Variants in GPR158 observed in about 807,000 individuals in gnomAD.
The protein encoded by GPR158 is G protein-coupled receptor 158.
GPR158 carries 30 observed loss-of-function variants against 78.2 expected under a neutral mutation model. The observed-to-expected ratio is 0.38, with a 90% CI of 0.29 to 0.52. GPR158 has a LOEUF of 0.52. Among genes scored for constraint, GPR158 ranks in the 20% least tolerant of loss-of-function variants. The probability of loss-of-function intolerance (pLI) is 0.83; values close to 1 mark genes in which losing one functional copy is unlikely to be tolerated. For synonymous variants in GPR158, 581 were observed against 591.1 expected (o/e 0.98, Z 0.25); for missense variants, 1,463 against 1,523.5 (o/e 0.96, Z 0.66).
At position 25,176,047 on chromosome 10, in the gene GPR158, C is replaced by T. The variant is rs759455582; in HGVS notation, c.627C>T (p.Ser209=). 3.1e-6 allele frequency: 5 copies of T among 1,608,664 alleles called. No individual in the cohort carries two copies. Among genetic ancestry groups the T allele is most frequent in the East Asian group, 4.5e-5 (2 of 44,602 alleles). ...SRILLQDLSS[S]APHLANATLE... ...TCCTGCTCCAAGACCTGTCCTCCTC[C>T]GCACCCCACCTGGCCAACGCCACTC... The change falls in exon 1 of 11, where the codon TCC becomes TCT. Residue 209 remains serine, a synonymous_variant. Transcript: ENST00000376351. The surrounding 1 kb of genome is among the most constrained non-coding windows in gnomAD (Gnocchi z 6.3).
intron 2 of GPR158, among the ~76,000 whole-genome samples, chr10:25,241,399 CTCTTCTCTTCTCTTT>C (rs1853625905): frequency 1.4e-5 from 2 of 137,956 alleles, no homozygotes; most frequent in South Asian, 2.3e-4. Context: ...CTCTTCTCTT[CTCTTCTCTTCTCTTT>C]TCTTTTCTTT....
intron 2 of GPR158, among the ~76,000 whole-genome samples, chr10:25,338,270 A>G (rs993469813): frequency 6.7e-6 from 1 of 150,128 alleles, no homozygotes; most frequent in African/African-American, 2.4e-5. Flanking sequence ...GGAATTGATT[A>G]TTATTTAGGT....
intron 2 of GPR158, among the ~76,000 whole-genome samples, chr10:25,281,135 C>CAAA (rs35128473): frequency 5.5e-4 from 62 of 112,110 alleles, no homozygotes; most frequent in African/African-American, 1.9e-3. Context: ...AACTCTATCT[C>CAAA]AAAAAAAAAA....
chr10:25,519,706 C>T (rs1414403759), intron 5 of GPR158, among the ~76,000 whole-genome samples: 10 of 129,922 alleles, frequency 7.7e-5, no homozygotes, highest in African/African-American at 3.6e-4. Context: ...TTGGCCCCCA[C>T]TCTCTTCTGG....
chr10:25,240,832 A>G (rs956865311), intron 2 of GPR158, among the ~76,000 whole-genome samples: 2 of 152,192 alleles, frequency 1.3e-5, no homozygotes, highest in Non-Finnish European at 2.9e-5. Flanking sequence ...GAAATTCCTT[A>G]AAATTCTTTA....
chr10:25,219,729 C>G (rs573303395), intron 1 of GPR158, among the ~76,000 whole-genome samples: 1 of 152,098 alleles, frequency 6.6e-6, no homozygotes, highest in Non-Finnish European at 1.5e-5. Flanking sequence ...CCAAAGGAAG[C>G]CCAAGTGGCA....
At chr10:25,359,065 G>A (rs1339721152) in intron 2 of GPR158, among the ~76,000 whole-genome samples, 1 of 151,800 alleles carries the variant, frequency 6.6e-6, no homozygotes, top group Non-Finnish European at 1.5e-5. Flanking sequence ...GAGTCTTGAA[G>A]CCTCTTGTTA....
At chr10:25,408,546 A>AAAAGT (rs1834545248) in intron 3 of GPR158, among the ~76,000 whole-genome samples, 1 of 152,108 alleles carries the variant, frequency 6.6e-6, no homozygotes, top group Non-Finnish European at 1.5e-5. Context: ...CACTGTAGTC[A>AAAAGT]CCATCCTCAG....
chr10:25,568,603 A>C (rs541641706), intron 6 of GPR158, among the ~76,000 whole-genome samples: 1 of 152,196 alleles, frequency 6.6e-6, no homozygotes, highest in Non-Finnish European at 1.5e-5. Context: ...CCCAAGTACA[A>C]GTTCTTATGG....
chr10:25,448,311 C>T (rs976514059), intron 4 of GPR158, among the ~76,000 whole-genome samples: 8 of 151,858 alleles, frequency 5.3e-5, no homozygotes, highest in Non-Finnish European at 1.2e-4. Context: ...AGGATGGTCT[C>T]GATCTTCTGA....
rs187205892 is a variant in GPR158 at position 25,293,643 on chromosome 10, C to T, written c.1008+72486C>T. On this transcript the variant is annotated intron_variant, in intron 2 of 10. Transcript: ENST00000376351. ...AGAGGAAATACCAGATAATCAGATG[C>T]AGGATGTTTTTCTCCATAGCAAATT... 1.4e-3 allele frequency among the ~76,000 whole-genome samples: 207 copies of T among 152,174 alleles called. 1 individual carries two copies. The highest frequency in any genetic ancestry group is 4.7e-3 in the African/African-American group (195 of 41,518).
At chr10:25,418,866 G>A (rs1354774836) in intron 4 of GPR158, among the ~76,000 whole-genome samples, 1 of 149,964 alleles carries the variant, frequency 6.7e-6, no homozygotes, top group Non-Finnish European at 1.5e-5. Flanking sequence ...ACTGTAGTTG[G>A]TATTTTCTCC....
At chr10:25,544,357 A>G (rs1836631350) in intron 5 of GPR158, among the ~76,000 whole-genome samples, 1 of 151,692 alleles carries the variant, frequency 6.6e-6, no homozygotes, top group Non-Finnish European at 1.5e-5. Flanking sequence ...GGAACTTCTT[A>G]TGGGTTCTTG....
chr10:25,470,905 C>A (rs1835490625), intron 5 of GPR158, among the ~76,000 whole-genome samples: 1 of 151,840 alleles, frequency 6.6e-6, no homozygotes, highest in South Asian at 2.1e-4. Flanking sequence ...CACCCAGTAG[C>A]CAGAGGGATT....
chr10:25,567,098 GGACAGAA>G (rs1374021159), intron 6 of GPR158, among the ~76,000 whole-genome samples: 1 of 152,020 alleles, frequency 6.6e-6, no homozygotes, highest in Non-Finnish European at 1.5e-5. Flanking sequence ...TAAGGTAATA[GGACAGAA>G]GACTGGATGG....
intron 5 of GPR158, among the ~76,000 whole-genome samples, chr10:25,472,537 T>A (rs79722187): frequency 0.15 from 22,097 of 152,218 alleles, 1,773 homozygotes; most frequent in East Asian, 0.19. Context: ...GCATTGAATC[T>A]ATAATTTGCC....
At chr10:25,305,565 T>C (rs1477213048) in intron 2 of GPR158, among the ~76,000 whole-genome samples, 1 of 152,094 alleles carries the variant, frequency 6.6e-6, no homozygotes, top group Admixed American at 6.6e-5. Context: ...TGTGTCTCAG[T>C]GAAGGAGATG....
intron 2 of GPR158, among the ~76,000 whole-genome samples, chr10:25,376,860 T>C (rs1760772): frequency 0.63 from 94,877 of 151,240 alleles, 31,218 homozygotes; most frequent in Non-Finnish European, 0.75. Flanking sequence ...GTCAGCTATA[T>C]ATTTTTATGT....
intron 2 of GPR158, among the ~76,000 whole-genome samples, chr10:25,258,861 T>C (rs144086865): frequency 6.6e-6 from 1 of 152,228 alleles, no homozygotes; most frequent in Non-Finnish European, 1.5e-5. Flanking sequence ...AAGCCTTGTC[T>C]GTAACATAAA....
Sources: gnomAD v4.1 joint callset for allele counts (sites outside exome capture counted in the v4.1 genomes callset) on GRCh38, gnomAD v4.1.1 for gene constraint, Gnocchi (gnomAD v3.1) non-coding constraint, MANE v1.5 for transcripts, NCBI Gene and HGNC (gene_info 2026-07-23, HGNC 2026-07-21) for gene names.